The following STK32A variants were observed in gnomAD, a reference collection of about 807,000 sequenced individuals.
STK32A encodes the protein serine/threonine kinase 32A.
In STK32A, 41 loss-of-function variants were observed where a neutral mutation model predicts 53.2. The observed-to-expected ratio is 0.77, with a 90% CI of 0.60 to 1.00. The LOEUF (loss-of-function observed/expected upper bound fraction) is 1.00. STK32A is among the 50% of genes least tolerant of loss of function. STK32A has a pLI of 0.00. For synonymous variants in STK32A, 166 were observed against 162.8 expected (o/e 1.02, Z -0.15); for missense variants, 458 against 485.8 (o/e 0.94, Z 0.54).
chr5:147,262,458 A>G (rs1160445727), intron 2 of STK32A, among the ~76,000 whole-genome samples: 1 of 152,206 alleles, frequency 6.6e-6, no homozygotes, highest in Non-Finnish European at 1.5e-5. Context: ...TTCAAAGAAC[A>G]AAAATAGCCC....
At chr5:147,399,305 T>G in the STK32A span, 1 of 1,553,226 alleles carries the variant, frequency 6.4e-7, no homozygotes, top group East Asian at 2.3e-5. Flanking sequence ...ATATATCAAT[T>G]CAGGGCTTCT....
At chr5:147,291,022 G>T (rs1561697377) in intron 4 of STK32A, among the ~76,000 whole-genome samples, 1 of 152,010 alleles carries the variant, frequency 6.6e-6, no homozygotes, top group Admixed American at 6.6e-5. Flanking sequence ...AAAGATAATG[G>T]GTGAGGCAGC....
At chr5:147,350,721 C>CT (rs1250399387) in intron 6 of STK32A, among the ~76,000 whole-genome samples, 1 of 152,076 alleles carries the variant, frequency 6.6e-6, no homozygotes, top group Non-Finnish European at 1.5e-5. Flanking sequence ...AAACGTGATA[C>CT]TTTGAGTATC....
rs748191321 is a variant in STK32A, at chr5:147,279,390, T to C, written c.252T>C (p.Val84=). The C allele has an allele frequency of 2.5e-6, 4 of 1,581,626 alleles. No individual in the cohort carries two copies. Among genetic ancestry groups the C allele is most frequent in the Non-Finnish European group, 3.4e-6 (4 of 1,163,158 alleles). The stretch of plus-strand genomic sequence containing the variant: ...AGGGTCTGGAGCACCCTTTCCTGGT[T>C]AATTTGTGGTGAGTAATTTTACTGG... ...IMQGLEHPFL[V]NLWYSFQDEE... is the part of the protein sequence containing the mutation. Residue 84 remains valine, a synonymous_variant, in exon 4 of 13, where the codon GTT becomes GTC. Coordinates refer to ENST00000397936, the MANE Select transcript of STK32A (RefSeq NM_001112724.2).
intron 2 of STK32A, 41 bp downstream of exon 2, chr5:147,239,727 T>C (rs1753486222): frequency 4.6e-6 from 7 of 1,522,406 alleles, no homozygotes; most frequent in Middle Eastern, 1.7e-4. Context: ...AATAGAATTT[T>C]GCAAAATTCA....
At chr5:147,364,336 A>G (rs894546354) in intron 8 of STK32A, among the ~76,000 whole-genome samples, 4 of 152,074 alleles carry the variant, frequency 2.6e-5, no homozygotes, top group African/African-American at 9.7e-5. Flanking sequence ...ACTTTATAAC[A>G]AGAATCACCT....
chr5:147,241,260 C>T (rs1580973515), intron 2 of STK32A, among the ~76,000 whole-genome samples: 1 of 152,098 alleles, frequency 6.6e-6, no homozygotes, highest in South Asian at 2.1e-4. Context: ...GGGCGGATCA[C>T]GAGGTCAGGA....
At chr5:147,254,774 G>A (rs1051400718) in intron 2 of STK32A, among the ~76,000 whole-genome samples, 1 of 152,166 alleles carries the variant, frequency 6.6e-6, no homozygotes, top group Non-Finnish European at 1.5e-5. Context: ...CTGAGTTAGG[G>A]TGGAGCAGGT....
intron 4 of STK32A, among the ~76,000 whole-genome samples, chr5:147,319,255 G>C (rs528751247): frequency 6.7e-6 from 1 of 149,230 alleles, no homozygotes; most frequent in East Asian, 2.0e-4. Context: ...CCATTCTCCT[G>C]CCTCAGCCTC....
At chr5:147,277,940 G>A (rs1039482307) in intron 2 of STK32A, among the ~76,000 whole-genome samples, 184 bp from the exon 3 acceptor site, 1 of 152,152 alleles carries the variant, frequency 6.6e-6, no homozygotes, top group East Asian at 1.9e-4. Flanking sequence ...CCAGCACTAA[G>A]CACTAGGATT....
In STK32A at chr5:147,241,434, C is replaced by T. The variant is rs937212285; in HGVS notation, c.52+1748C>T. 8.5e-5 allele frequency among the ~76,000 whole-genome samples: 13 copies of T among 152,164 alleles called. No homozygotes were observed. The South Asian group carries it at 1.0e-3, about 12-fold the overall frequency. ...GCGGAGCTTGCAGTGAGCCGAGAACCGGCCACTGCACTCCAGCCTGGGCGA... is the reference window on the plus strand; with the variant it reads ...GCGGAGCTTGCAGTGAGCCGAGAACTGGCCACTGCACTCCAGCCTGGGCGA... On this transcript the variant is annotated intron_variant, in intron 2 of 12. Transcript: ENST00000397936.
intron 4 of STK32A, among the ~76,000 whole-genome samples, chr5:147,285,533 A>T (rs1421729138): frequency 5.9e-5 from 9 of 152,212 alleles, no homozygotes; most frequent in African/African-American, 2.2e-4. Flanking sequence ...AAATCTTCAC[A>T]ATCTATACAT....
At chr5:147,375,326 T>G in intron 11 of STK32A, 108 bp downstream of exon 11, 1 of 1,390,886 alleles carries the variant, frequency 7.2e-7, no homozygotes, top group Non-Finnish European at 9.6e-7. Flanking sequence ...TTTTGCTGCT[T>G]AGTGAAATAG....
chr5:147,235,248 T>G (rs1465313010), intron 1 of STK32A, 49 bp downstream of exon 1: 1 of 152,308 alleles, frequency 6.6e-6, no homozygotes, highest in Non-Finnish European at 1.5e-5. Flanking sequence ...ACCTGCATAC[T>G]AAGGGTACTG....
At chr5:147,314,044 A>G (rs896669134) in intron 4 of STK32A, among the ~76,000 whole-genome samples, 1 of 152,174 alleles carries the variant, frequency 6.6e-6, no homozygotes, top group Non-Finnish European at 1.5e-5. Flanking sequence ...CCAAAAGAAC[A>G]AGTACTAAAA....
intron 6 of STK32A, among the ~76,000 whole-genome samples, chr5:147,349,450 A>G (rs4705164): frequency 0.24 from 35,875 of 152,076 alleles, 5,487 homozygotes; most frequent in African/African-American, 0.43. Flanking sequence ...GGAAATGCCA[A>G]CACTTCAAGA....
intron 5 of STK32A, among the ~76,000 whole-genome samples, chr5:147,332,348 CTT>C (rs34110422): frequency 9.9e-5 from 14 of 140,750 alleles, no homozygotes; most frequent in South Asian, 2.3e-4. Flanking sequence ...TATCTGTAGG[CTT>C]TTTTTTTTTT....
chr5:147,254,236 C>G lies in STK32A; in HGVS notation c.52+14550C>G, dbSNP rs1339690697. 3.3e-5 allele frequency among the ~76,000 whole-genome samples: 5 copies of G among 152,254 alleles called. No individual in the cohort carries two copies. In the East Asian group the frequency reaches 7.7e-4, roughly 24 times the overall value. ...ACATACTAGGGGTTAGGACTTCAAC[C>G]TATCTTTTTGGGAGACACCTTTGGT... is the stretch of plus-strand genomic sequence containing the variant. On this transcript the variant is annotated intron_variant, in intron 2 of 12. Coordinates refer to ENST00000397936, the MANE Select transcript of STK32A (RefSeq NM_001112724.2).
At chr5:147,319,009 A>G (rs1344941421) in intron 4 of STK32A, among the ~76,000 whole-genome samples, 1 of 152,132 alleles carries the variant, frequency 6.6e-6, no homozygotes, top group Non-Finnish European at 1.5e-5. Context: ...GCCTCCCTCT[A>G]AACTTATACA....
Sources: gnomAD v4.1 joint callset for allele counts (sites outside exome capture counted in the v4.1 genomes callset) on GRCh38, gnomAD v4.1.1 for gene constraint, MANE v1.5 for transcripts, NCBI Gene and HGNC (gene_info 2026-07-23, HGNC 2026-07-21) for gene names.